The following MYO6 variants were observed in gnomAD, a reference collection of about 807,000 sequenced individuals.
MYO6 encodes the protein unconventional myosin-VI.
A neutral mutation model predicts 178.7 loss-of-function variants in MYO6; 74 were observed. The ratio of observed to expected loss-of-function variants is 0.41; its 90% CI spans 0.34 to 0.50. MYO6 has a LOEUF of 0.50. Among genes scored for constraint, MYO6 ranks in the 20% least tolerant of loss-of-function variants. The pLI, the probability that MYO6 is intolerant of heterozygous loss-of-function variation, is 0.09. For synonymous variants in MYO6, 477 were observed against 504.6 expected, an observed-to-expected ratio of 0.95 and a Z score of 0.73; for missense variants, 1,330 against 1,547.4, an observed-to-expected ratio of 0.86 and a Z score of 2.36.
In MYO6 at chr6:75,873,569, TAGAAA is replaced by T. The variant is rs141217177; in HGVS notation, c.2077+287_2077+291del. Among the ~76,000 whole-genome samples, 88 of 152,252 alleles carry T rather than the reference TAGAAA, an allele frequency of 5.8e-4. 1 individual carries two copies. Among genetic ancestry groups the T allele is most frequent in the African/African-American group, 1.9e-3 (79 of 41,538 alleles). Reference sequence around the variant, plus strand: ...CTGGGCAACATAGCAAGATCTGTTTTAGAAAAGAAAAGAAAAGAAAAGCATAGATG... The same window carrying T: ...CTGGGCAACATAGCAAGATCTGTTTTAGAAAAGAAAAGAAAAGCATAGATG... On this transcript the variant is annotated intron_variant, in intron 20 of 34. Transcript: ENST00000369977.
chr6:75,889,750 A>G (rs1000387206), intron 25 of MYO6, among the ~76,000 whole-genome samples: 3 of 152,188 alleles, frequency 2.0e-5, no homozygotes, highest in African/African-American at 7.2e-5. Flanking sequence ...TACCTTATCC[A>G]CAGATTACCT....
In MYO6 at chr6:75,891,246, A is replaced by G. The variant is rs1778878428; in HGVS notation, c.2886A>G (p.Ala962=). 6.2e-7 allele frequency: 1 copy of G among 1,607,750 alleles called. No individual in the cohort carries two copies. Among genetic ancestry groups the G allele is most frequent in the Non-Finnish European group, 8.5e-7 (1 of 1,175,908 alleles). ...EERRMKLEME[A]KRKQEEEERK... ...TTATTAGGAAACTTGAGATGGAAGCAAAGAGAAAACAAGAAGAAGAAGAGA... is the reference window on the plus strand; with the variant it reads ...TTATTAGGAAACTTGAGATGGAAGCGAAGAGAAAACAAGAAGAAGAAGAGA... The change falls in exon 27 of 35, where the codon GCA becomes GCG. Residue 962 remains alanine, a synonymous_variant. Coordinates refer to ENST00000369977, the MANE Select transcript of MYO6 (RefSeq NM_004999.4).
intron 1 of MYO6, among the ~76,000 whole-genome samples, chr6:75,793,251 A>C (rs1768424875): frequency 6.6e-6 from 1 of 152,210 alleles, no homozygotes; most frequent in South Asian, 2.1e-4. Context: ...CAAACTTTTA[A>C]AGATTAAGTT....
At chr6:75,780,874 C>T (rs1371624478) in intron 1 of MYO6, among the ~76,000 whole-genome samples, 1 of 150,992 alleles carries the variant, frequency 6.6e-6, no homozygotes, top group African/African-American at 2.4e-5. Context: ...GTGGCTTGAT[C>T]TCGGCTCACT....
At chr6:75,813,580 C>A (rs969734020) in intron 1 of MYO6, among the ~76,000 whole-genome samples, 1 of 152,174 alleles carries the variant, frequency 6.6e-6, no homozygotes, top group Non-Finnish European at 1.5e-5. Context: ...TTACTCTTCC[C>A]TTTCCTTTCC....
At chr6:75,788,495 A>C (rs548580670) in intron 1 of MYO6, among the ~76,000 whole-genome samples, 1 of 152,274 alleles carries the variant, frequency 6.6e-6, no homozygotes, top group Non-Finnish European at 1.5e-5. Context: ...ACACTCTTCC[A>C]GCAGATCCTG....
chr6:75,838,041 G>A (rs1773823156), intron 7 of MYO6, among the ~76,000 whole-genome samples: 1 of 147,326 alleles, frequency 6.8e-6, no homozygotes, highest in South Asian at 2.2e-4. Context: ...TATTCCAAGT[G>A]CTTCTATAGC....
chr6:75,882,169 A>G (rs1778089770), intron 23 of MYO6, among the ~76,000 whole-genome samples: 1 of 152,154 alleles, frequency 6.6e-6, no homozygotes, highest in Non-Finnish European at 1.5e-5. Flanking sequence ...ACATACCCCG[A>G]AAATTCTAAT....
chr6:75,880,989 C>T (rs1420291804), intron 22 of MYO6, among the ~76,000 whole-genome samples: 3 of 152,216 alleles, frequency 2.0e-5, no homozygotes, highest in Non-Finnish European at 4.4e-5. Context: ...CTGTGGCTCA[C>T]GCCTATAATC....
chr6:75,757,392 TATATATACACACAC>T (rs1323329233), intron 1 of MYO6, among the ~76,000 whole-genome samples: 29 of 148,934 alleles, frequency 1.9e-4, no homozygotes, highest in Non-Finnish European at 3.4e-4. Context: ...TGTATACACA[TATATATACACACAC>T]ACACATAGAG....
At chr6:75,836,057 T>C in intron 7 of MYO6, 101 bp downstream of exon 7, 1 of 800,490 alleles carries the variant, frequency 1.2e-6, no homozygotes, top group Non-Finnish European at 2.2e-6. Flanking sequence ...CAAAAGACTC[T>C]CTTATCTCCT....
intron 20 of MYO6, among the ~76,000 whole-genome samples, chr6:75,874,938 A>G (rs1481116488): frequency 6.6e-6 from 1 of 152,242 alleles, no homozygotes; most frequent in Non-Finnish European, 1.5e-5. Context: ...TGGACTTCAT[A>G]GCCACATTTG....
intron 5 of MYO6, among the ~76,000 whole-genome samples, chr6:75,831,908 A>G (rs1773135589): frequency 6.6e-6 from 1 of 151,902 alleles, no homozygotes; most frequent in African/African-American, 2.4e-5. Context: ...AAAAAAAGAA[A>G]AAAGCGCTGC....
intron 11 of MYO6, among the ~76,000 whole-genome samples, chr6:75,849,375 G>A (rs1485053802): frequency 3.9e-5 from 6 of 152,188 alleles, no homozygotes; most frequent in Non-Finnish European, 8.8e-5. Context: ...GATGAGTTAA[G>A]GAAAACCTAC....
Position 75,787,644 on chromosome 6 carries a change from C to CAT in MYO6, c.-47-29842_-47-29841dup, listed in dbSNP as rs368613522. ...ACTTTTTGGGGGAATGGAACTATTC[C>CAT]ATATATATATATATATGGGGGAATG... On this transcript the variant is annotated intron_variant, in intron 1 of 34. Coordinates refer to ENST00000369977, the MANE Select transcript of MYO6 (RefSeq NM_004999.4). 8.6e-3 allele frequency among the ~76,000 whole-genome samples: 1,005 copies of CAT among 116,388 alleles called. 5 individuals carry two copies. Among genetic ancestry groups the CAT allele is most frequent in the African/African-American group, 0.013 (401 of 30,702 alleles). The allele number at this position is 116,388 out of a possible 152,430, so 76.4% of individuals were successfully genotyped here. A position where few individuals can be genotyped will look rare whatever the true frequency, so the allele number is the denominator to read the frequency against.
chr6:75,890,625 G>A (rs991575212), intron 26 of MYO6, among the ~76,000 whole-genome samples: 5 of 152,156 alleles, frequency 3.3e-5, no homozygotes, highest in East Asian at 1.9e-4. Context: ...GATTACAGGC[G>A]TGAGCCACCG....
chr6:75,858,801 A>G, intron 13 of MYO6, 101 bp from the exon 14 acceptor site: 1 of 729,938 alleles, frequency 1.4e-6, no homozygotes. Flanking sequence ...AATTTAACCT[A>G]ATTTTAAATT....
At chr6:75,821,872 G>T (rs1457632180) in intron 2 of MYO6, among the ~76,000 whole-genome samples, 2 of 152,092 alleles carry the variant, frequency 1.3e-5, no homozygotes, top group Non-Finnish European at 1.5e-5. Flanking sequence ...TCTTAATTCT[G>T]CAGTGTTACT....
intron 3 of MYO6, 47 bp downstream of exon 3, chr6:75,822,898 G>A (rs1376360271): frequency 6.2e-6 from 9 of 1,445,508 alleles, no homozygotes; most frequent in Non-Finnish European, 8.8e-6. Context: ...AAAGGAGACT[G>A]TTCTTTTAAA....
Sources: gnomAD v4.1 joint callset for allele counts (sites outside exome capture counted in the v4.1 genomes callset) on GRCh38, gnomAD v4.1.1 for gene constraint, MANE v1.5 for transcripts, NCBI Gene and HGNC (gene_info 2026-07-23, HGNC 2026-07-21) for gene names.